Variants in FYN observed in about 807,000 individuals in gnomAD.
The protein encoded by FYN is FYN proto-oncogene, Src family tyrosine kinase.
Under a neutral mutation model 70.2 loss-of-function variants are expected in FYN, and 10 were observed. That is an observed-to-expected ratio of 0.14 (90% CI 0.09 to 0.24). The LOEUF (loss-of-function observed/expected upper bound fraction) is 0.24, where lower values mean the gene tolerates loss of function less well. Among genes scored for constraint, FYN ranks in the 10% least tolerant of loss-of-function variants. The probability of loss-of-function intolerance (pLI) is 1.00; values close to 1 mark genes in which losing one functional copy is unlikely to be tolerated. For missense variants in FYN, 319 were observed against 673.1 expected (o/e 0.47, Z 5.82); for synonymous variants, 236 against 248.6 (o/e 0.95, Z 0.48).
At chr6:111,867,347 C>T (rs1282767146) in intron 1 of FYN, among the ~76,000 whole-genome samples, 2 of 148,820 alleles carry the variant, frequency 1.3e-5, no homozygotes, top group Non-Finnish European at 3.0e-5. Context: ...CCCAGCTACT[C>T]GGGAGGCTGA....
intron 3 of FYN, among the ~76,000 whole-genome samples, chr6:111,733,428 C>T (rs1284404248): frequency 2.0e-5 from 3 of 152,170 alleles, no homozygotes; most frequent in Non-Finnish European, 4.4e-5. Context: ...GTGCTCTGCT[C>T]CTAGCCATTT....
At chr6:111,773,616 G>GGGAGAGAGGGGGAGGGAA (rs1803578224) in intron 3 of FYN, among the ~76,000 whole-genome samples, 1 of 42,932 alleles carries the variant, frequency 2.3e-5, no homozygotes, top group East Asian at 1.5e-3. Flanking sequence ...GGGGGAGGGA[G>GGGAGAGAGGGGGAGGGAA]AGAGGGGGAA....
chr6:111,737,474 T>A (rs941124540), intron 3 of FYN, among the ~76,000 whole-genome samples: 3 of 152,180 alleles, frequency 2.0e-5, no homozygotes, highest in African/African-American at 7.2e-5. Context: ...GTTTACTACT[T>A]CATTATAAAG....
intron 10 of FYN, among the ~76,000 whole-genome samples, chr6:111,696,059 A>T (rs1799559062): frequency 6.6e-6 from 1 of 152,226 alleles, no homozygotes; most frequent in African/African-American, 2.4e-5. Flanking sequence ...ACATGTAAAA[A>T]GTATTTGGCA....
At chr6:111,761,091 A>C (rs576147548) in intron 3 of FYN, among the ~76,000 whole-genome samples, 17 of 152,394 alleles carry the variant, frequency 1.1e-4, no homozygotes, top group African/African-American at 4.1e-4. Flanking sequence ...ATCACCAGCC[A>C]GTGGCAGGGA....
At chr6:111,754,542 A>C (rs1471814083) in intron 3 of FYN, 1 of 152,172 alleles carries the variant, frequency 6.6e-6, no homozygotes, top group African/African-American at 2.4e-5. Flanking sequence ...AAAAAACAGG[A>C]AATTTGTTGC....
At chr6:111,764,271 C>T (rs1038165110) in intron 3 of FYN, among the ~76,000 whole-genome samples, 10 of 110,868 alleles carry the variant, frequency 9.0e-5, no homozygotes, top group African/African-American at 2.3e-4. Context: ...AAGAAAAAAG[C>T]GATTTGAAAT....
At chr6:111,849,126 T>A (rs1773613477) in intron 1 of FYN, among the ~76,000 whole-genome samples, 1 of 152,238 alleles carries the variant, frequency 6.6e-6, no homozygotes, top group Admixed American at 6.5e-5. Context: ...ATGCTTTTAT[T>A]CTTCTTGCTG....
intron 3 of FYN, among the ~76,000 whole-genome samples, chr6:111,764,508 A>G (rs1803149834): frequency 6.6e-6 from 1 of 152,196 alleles, no homozygotes; most frequent in South Asian, 2.1e-4. Flanking sequence ...CAGCATATTA[A>G]TTGTGAGAAT....
Position 111,672,612 on chromosome 6 carries a change from T to C in FYN, c.1405+1887A>G, listed in dbSNP as rs544295636. Among the ~76,000 whole-genome samples the C allele has an allele frequency of 2.6e-5, 4 of 152,142 alleles. No homozygotes were observed. In the East Asian group the frequency reaches 7.7e-4, roughly 29 times the overall value. Reference sequence around the variant, plus strand: ...TAAAGAAGGCTGGTTTCTTCCTGGATTTGATGCACATTTTATCTATCTGAC... The same window carrying C: ...TAAAGAAGGCTGGTTTCTTCCTGGACTTGATGCACATTTTATCTATCTGAC... On this transcript the variant is annotated intron_variant, in intron 13 of 13. Transcript: ENST00000354650.
At chr6:111,810,284 T>C (rs549431205) in intron 2 of FYN, among the ~76,000 whole-genome samples, 65 of 152,358 alleles carry the variant, frequency 4.3e-4, no homozygotes, top group African/African-American at 1.4e-3. Context: ...GGCCTTTGGC[T>C]GTCACTGGAA....
chr6:111,685,792 C>G (rs1998038), intron 12 of FYN, among the ~76,000 whole-genome samples: 2 of 151,956 alleles, frequency 1.3e-5, no homozygotes, highest in Non-Finnish European at 2.9e-5. Context: ...CATAAACAAC[C>G]ATCAAAAGGC....
At chr6:111,794,284 A>G (rs979253001) in intron 2 of FYN, among the ~76,000 whole-genome samples, 3 of 152,232 alleles carry the variant, frequency 2.0e-5, no homozygotes, top group Middle Eastern at 3.2e-3. Flanking sequence ...GGGTCCTTTA[A>G]GAAGGTCCCC....
intron 3 of FYN, among the ~76,000 whole-genome samples, chr6:111,726,213 G>C (rs1801187350): frequency 6.6e-6 from 1 of 152,252 alleles, no homozygotes; most frequent in African/African-American, 2.4e-5. Flanking sequence ...GTGACTGACA[G>C]AAATGTGAGC....
chr6:111,788,202 C>T (rs1360253650), intron 2 of FYN, among the ~76,000 whole-genome samples: 1 of 152,174 alleles, frequency 6.6e-6, no homozygotes, highest in Non-Finnish European at 1.5e-5. Flanking sequence ...ACTTTTCACG[C>T]TATCTGCTGC....
Position 111,694,636 on chromosome 6 carries a change from C to T in FYN, c.1111G>A (p.Ala371Thr), listed in dbSNP as rs1364706330. 6.2e-7 allele frequency: 1 copy of T among 1,614,110 alleles called. No homozygotes were observed. The highest frequency in any genetic ancestry group is 2.2e-5 in the East Asian group (1 of 44,884). ...TACCCTGCAGGGCCTACCTGTGCTG[C>T]CATGTCCACAAGATTTGGTAATTTC... ...ALKLPNLVDM[A>T]AQVAAGMAYI... Residue 371 changes from alanine (A) to threonine (T), a missense_variant, in exon 11 of 14, where the codon GCA becomes ACA. Ala to Thr is a moderately conservative substitution (Grantham distance 58). Coordinates refer to ENST00000354650, the MANE Select transcript of FYN (RefSeq NM_002037.5). The surrounding 1 kb of genome is among the most constrained non-coding windows in gnomAD (Gnocchi z 5.0).
chr6:111,832,559 T>C (rs1367730683), intron 2 of FYN, among the ~76,000 whole-genome samples: 4 of 151,962 alleles, frequency 2.6e-5, no homozygotes, highest in African/African-American at 9.7e-5. Flanking sequence ...TTTTTTTCTA[T>C]TTAACAACCT....
intron 4 of FYN, among the ~76,000 whole-genome samples, chr6:111,719,037 C>T (rs1369697889): frequency 6.6e-6 from 1 of 152,192 alleles, no homozygotes; most frequent in East Asian, 1.9e-4. Flanking sequence ...TATAAGACAT[C>T]TGCTGCCAGA....
In FYN at chr6:111,721,299, CCA is replaced by C. The variant is rs374590681; in HGVS notation, c.-11-1239_-11-1238del. Among the ~76,000 whole-genome samples, 181 of 152,262 alleles carry C rather than the reference CCA, an allele frequency of 1.2e-3. 1 individual carries two copies. The highest frequency in any genetic ancestry group is 4.3e-3 in the African/African-American group (177 of 41,538). The stretch of plus-strand genomic sequence containing the variant: ...CTCATTGCCCAATGGACTGCAAGTT[CCA>C]GGAAAGCGGGACCCTGTCTGTTTTC... On this transcript the variant is annotated intron_variant, in intron 3 of 13. Transcript: ENST00000354650.
Sources: gnomAD v4.1 joint callset for allele counts (sites outside exome capture counted in the v4.1 genomes callset) on GRCh38, gnomAD v4.1.1 for gene constraint, Gnocchi (gnomAD v3.1) non-coding constraint, MANE v1.5 for transcripts, NCBI Gene and HGNC (gene_info 2026-07-23, HGNC 2026-07-21) for gene names.